The following MYH16 variants were observed in gnomAD, a reference collection of about 807,000 sequenced individuals.
The protein encoded by MYH16 is putative uncharacterized protein MYH16.
chr7:99,292,357 C>T (rs2150828816), exon 32 of MYH16: 1 of 456,898 alleles, frequency 2.2e-6, no homozygotes, highest in East Asian at 6.9e-5. Context: ...CAAGCACGAC[C>T]TGGACCTAGT....
chr7:99,272,681 A>C (rs529943717), intron 19 of MYH16, among the ~76,000 whole-genome samples, 158 bp from the exon 1 acceptor site: 1 of 152,214 alleles, frequency 6.6e-6, no homozygotes, highest in East Asian at 1.9e-4. Flanking sequence ...AGGGAGTACA[A>C]AGTTCCAGTG....
intron 19 of MYH16, among the ~76,000 whole-genome samples, chr7:99,272,372 G>T (rs1177626868): frequency 6.6e-6 from 1 of 152,108 alleles, no homozygotes; most frequent in Non-Finnish European, 1.5e-5. Context: ...TTAGAACTCA[G>T]CAATTCTCAC....
intron 23 of MYH16, 89 bp downstream of exon 5, chr7:99,281,069 T>C: frequency 4.8e-6 from 1 of 208,626 alleles, no homozygotes. Context: ...CGAGTTCAAA[T>C]CCTGGCCCTG....
At chr7:99,276,676 A>C (rs1224743352) in intron 20 of MYH16, among the ~76,000 whole-genome samples, 1 of 152,262 alleles carries the variant, frequency 6.6e-6, no homozygotes, top group Non-Finnish European at 1.5e-5. Flanking sequence ...GGGAAGTATC[A>C]GCTGACACAG....
At chr7:99,299,931 A>ATTTTATTTTT (rs771402707) in intron 37 of MYH16, among the ~76,000 whole-genome samples, 3 of 61,048 alleles carry the variant, frequency 4.9e-5, no homozygotes, top group African/African-American at 2.3e-4. Flanking sequence ...ATTTTATTTT[A>ATTTTATTTTT]TTTATTTATT....
intron 36 of MYH16, among the ~76,000 whole-genome samples, chr7:99,299,092 A>T (rs59788550): frequency 0.036 from 5,109 of 143,436 alleles, 127 homozygotes; most frequent in Non-Finnish European, 0.054. Flanking sequence ...AAAATAAAAA[A>T]AAAAAATAGC....
exon 42 of MYH16, chr7:99,306,639 T>C (rs1454686936): frequency 6.5e-6 from 1 of 152,708 alleles, no homozygotes; most frequent in Non-Finnish European, 1.5e-5. Context: ...CTTGGCTCGA[T>C]ACAGGAAGAC....
chr7:99,298,214 G>T (rs1031059474), intron 36 of MYH16, among the ~76,000 whole-genome samples: 29 of 150,752 alleles, frequency 1.9e-4, no homozygotes, highest in African/African-American at 5.8e-4. Flanking sequence ...TTCTTTTTTG[G>T]TTTTTTTGGG....
intron 22 of MYH16, among the ~76,000 whole-genome samples, chr7:99,280,502 G>C (rs950985823): frequency 6.6e-6 from 1 of 152,216 alleles, no homozygotes; most frequent in African/African-American, 2.4e-5. Flanking sequence ...TCCCCTTCCT[G>C]CTATTGCAGG....
chr7:99,288,136 A>G (rs1792310466), exon 29 of MYH16: 1 of 456,402 alleles, frequency 2.2e-6, no homozygotes, highest in African/African-American at 2.0e-5. Flanking sequence ...CAGAAGTCCA[A>G]GGTGAATAAC....
intron 2 of MYH16, among the ~76,000 whole-genome samples, chr7:99,245,167 C>T (rs1791713920): frequency 6.6e-6 from 1 of 152,204 alleles, no homozygotes; most frequent in African/African-American, 2.4e-5. Flanking sequence ...CAGGATGAGA[C>T]ACTGTGTGTC....
intron 34 of MYH16, 142 bp from the exon 16 acceptor site, chr7:99,297,518 G>A: frequency 3.1e-6 from 1 of 327,648 alleles, no homozygotes; most frequent in South Asian, 2.5e-5. Context: ...AATGAAATAA[G>A]ATTATGGTCA....
At chr7:99,296,862 C>T (rs765461736) in exon 34 of MYH16, 17 of 457,626 alleles carry the variant, frequency 3.7e-5, no homozygotes, top group African/African-American at 1.2e-4. Context: ...AGACTGCCTA[C>T]GAGGAGTCTC....
chr7:99,291,420 T>C (rs1441065972), exon 31 of MYH16: 2 of 456,426 alleles, frequency 4.4e-6, no homozygotes, highest in African/African-American at 4.0e-5. Flanking sequence ...AAGTGGATGA[T>C]TACAAGAGGC....
exon 36 of MYH16, chr7:99,297,992 C>T (rs999529892): frequency 4.4e-6 from 2 of 456,546 alleles, no homozygotes; most frequent in Non-Finnish European, 4.4e-6. Flanking sequence ...TTTGAGGCTA[C>T]CAGGTATGGA....
At chr7:99,271,179 CA>C (rs1299637406) in intron 19 of MYH16, 1 of 152,540 alleles carries the variant, frequency 6.6e-6, no homozygotes. Flanking sequence ...CGTGGTGGGC[CA>C]GGGGTGGATG....
At chr7:99,257,059 T>C (rs369085508) in intron 9 of MYH16, among the ~76,000 whole-genome samples, 4 of 152,244 alleles carry the variant, frequency 2.6e-5, no homozygotes, top group African/African-American at 9.6e-5. Context: ...CTTATCATCA[T>C]CATTTTGCAG....
chr7:99,273,218 G>A (rs1476980717), intron 19 of MYH16, 124 bp from the exon 2 acceptor site: 4 of 408,878 alleles, frequency 9.8e-6, no homozygotes, highest in African/African-American at 2.0e-5. Flanking sequence ...GTCTCGAGAA[G>A]GCACTTTGGT....
At chr7:99,259,650 G>GT (rs1791915189) in intron 11 of MYH16, among the ~76,000 whole-genome samples, 1 of 151,078 alleles carries the variant, frequency 6.6e-6, no homozygotes, top group African/African-American at 2.4e-5. Flanking sequence ...TAGAGATGGG[G>GT]TTTTACCATG....
Sources: gnomAD v4.1 joint callset for allele counts (sites outside exome capture counted in the v4.1 genomes callset) on GRCh38, gnomAD v4.1.1 for gene constraint, MANE v1.5 for transcripts, NCBI Gene and HGNC (gene_info 2026-07-23, HGNC 2026-07-21) for gene names.